The following PLXNA4 variants were observed in gnomAD, a reference collection of about 807,000 sequenced individuals.
The protein encoded by PLXNA4 is plexin A4.
PLXNA4 carries 44 observed loss-of-function variants against 191.8 expected under a neutral mutation model. The ratio of observed to expected loss-of-function variants is 0.23; its 90% confidence interval spans 0.18 to 0.29. The LOEUF (loss-of-function observed/expected upper bound fraction) is 0.29, where lower values mean the gene tolerates loss of function less well. Among genes scored for constraint, PLXNA4 ranks in the 10% least tolerant of loss-of-function variants. The pLI, the probability that PLXNA4 is intolerant of heterozygous loss-of-function variation, is 1.00. For missense variants in PLXNA4, 1,800 were observed against 2,488.8 expected (o/e 0.72, Z 5.89); for synonymous variants, 1,082 against 1,009.5 (o/e 1.07, Z -1.36).
chr7:132,224,530 T>C (rs1005631059), intron 8 of PLXNA4, among the ~76,000 whole-genome samples: 4 of 152,234 alleles, frequency 2.6e-5, no homozygotes, highest in African/African-American at 4.8e-5. Flanking sequence ...ATTGAGTCTT[T>C]GTGTTGCATT....
chr7:132,320,598 C>T (rs955850742), intron 3 of PLXNA4, among the ~76,000 whole-genome samples: 4 of 152,168 alleles, frequency 2.6e-5, no homozygotes, highest in Non-Finnish European at 5.9e-5. Context: ...TTCTTACCTC[C>T]TGCCTGGAGA....
intron 2 of PLXNA4, among the ~76,000 whole-genome samples, chr7:132,624,354 A>C (rs1803329298): frequency 6.6e-6 from 1 of 152,232 alleles, no homozygotes; most frequent in Non-Finnish European, 1.5e-5. Flanking sequence ...GGCCATAAGC[A>C]CATGCCTGGT....
At chr7:132,628,875 G>A (rs1035682703) in intron 2 of PLXNA4, among the ~76,000 whole-genome samples, 9 of 152,038 alleles carry the variant, frequency 5.9e-5, no homozygotes, top group Admixed American at 3.9e-4. Flanking sequence ...TCTACACTAC[G>A]CCTTGCATTC....
chr7:132,249,108 C>T (rs1444953428), intron 4 of PLXNA4, among the ~76,000 whole-genome samples: 3 of 152,230 alleles, frequency 2.0e-5, no homozygotes, highest in Non-Finnish European at 4.4e-5. Flanking sequence ...GGGCATGAGG[C>T]TTGGGGAGCT....
intron 19 of PLXNA4, 150 bp from the exon 20 acceptor site, chr7:132,180,071 C>A: frequency 7.3e-7 from 1 of 1,374,194 alleles, no homozygotes; most frequent in Non-Finnish European, 9.6e-7. Context: ...GCATGGGGGG[C>A]TGGGAGCGGG....
chr7:132,279,737 G>A (rs920288300), intron 4 of PLXNA4, among the ~76,000 whole-genome samples: 15 of 152,192 alleles, frequency 9.9e-5, no homozygotes, highest in Non-Finnish European at 1.8e-4. Flanking sequence ...TACTTCACCT[G>A]CTACTCCACT....
At chr7:132,288,139 C>G (rs1003885752) in intron 4 of PLXNA4, among the ~76,000 whole-genome samples, 1 of 152,312 alleles carries the variant, frequency 6.6e-6, no homozygotes, top group East Asian at 1.9e-4. Flanking sequence ...GCTCCTCCCC[C>G]AAACTGCTGG....
chr7:132,217,031 A>AG (rs1254766572), intron 9 of PLXNA4, among the ~76,000 whole-genome samples: 1 of 152,148 alleles, frequency 6.6e-6, no homozygotes, highest in Admixed American at 6.5e-5. Flanking sequence ...CTAAGAATGC[A>AG]GGGGGGTGAG....
At chr7:132,633,346 G>A (rs1044846659) in intron 2 of PLXNA4, among the ~76,000 whole-genome samples, 3 of 149,470 alleles carry the variant, frequency 2.0e-5, no homozygotes, top group Non-Finnish European at 4.4e-5. Context: ...GCAGTGGTTC[G>A]ATCTTGGCTC....
chr7:132,516,953 C>T (rs156976), intron 1 of PLXNA4, among the ~76,000 whole-genome samples: 60,110 of 151,874 alleles, frequency 0.4, 12,520 homozygotes, highest in African/African-American at 0.53. Flanking sequence ...CAAGACTCTA[C>T]CTCAAACAAA....
At chr7:132,453,369 T>C (rs567866203) in intron 3 of PLXNA4, among the ~76,000 whole-genome samples, 1 of 152,246 alleles carries the variant, frequency 6.6e-6, no homozygotes, top group South Asian at 2.1e-4. Context: ...GCTGCATCAC[T>C]CAGCCCTTGT....
At chr7:132,299,429 C>T (rs541058819) in intron 3 of PLXNA4, among the ~76,000 whole-genome samples, 36 of 152,272 alleles carry the variant, frequency 2.4e-4, no homozygotes, top group Non-Finnish European at 4.1e-4. Flanking sequence ...ACTGACCACA[C>T]CAGGTCCCCC....
At chr7:132,587,063 A>C (rs1000053563) in intron 2 of PLXNA4, among the ~76,000 whole-genome samples, 10 of 152,254 alleles carry the variant, frequency 6.6e-5, no homozygotes, top group Non-Finnish European at 1.2e-4. Flanking sequence ...GTCCCGCTCA[A>C]CTTTGAGATA....
chr7:132,185,787 T>G (rs1796860108), intron 15 of PLXNA4, among the ~76,000 whole-genome samples: 1 of 152,202 alleles, frequency 6.6e-6, no homozygotes, highest in Non-Finnish European at 1.5e-5. Context: ...TGGCCTGCCT[T>G]TGCAAGAATC....
At chr7:132,252,840 C>G (rs865878430) in intron 4 of PLXNA4, among the ~76,000 whole-genome samples, 51 of 150,038 alleles carry the variant, frequency 3.4e-4, no homozygotes, top group African/African-American at 1.1e-3. Context: ...CCACAGGGGG[C>G]TGGCTAAAAA....
Position 132,507,800 on chromosome 7 carries a change from A to G in PLXNA4, c.894T>C (p.Ile298=), listed in dbSNP as rs946068555. The change falls in exon 2 of 32, where the codon ATT becomes ATC. Residue 298 remains isoleucine (I), a synonymous_variant. Coordinates refer to ENST00000321063, the MANE Select transcript of PLXNA4 (RefSeq NM_020911.2). Reference sequence around the variant, plus strand: ...ACTCCACCCCACTGCGCTCACAGCCAATGGGCACCTCTACATAGGAGTTGA... The same window carrying G: ...ACTCCACCCCACTGCGCTCACAGCCGATGGGCACCTCTACATAGGAGTTGA... ...TAFNSYVEVP[I]GCERSGVEYR... 1.2e-6 allele frequency: 2 copies of G among 1,614,174 alleles called. No homozygotes were observed. The highest frequency in any genetic ancestry group is 1.7e-6 in the Non-Finnish European group (2 of 1,180,038).
intron 3 of PLXNA4, among the ~76,000 whole-genome samples, chr7:132,385,608 A>T (rs976670577): frequency 2.6e-5 from 4 of 152,184 alleles, no homozygotes; most frequent in Admixed American, 1.3e-4. Context: ...CAGCAAGGGG[A>T]ATGATCAGGA....
intron 1 of PLXNA4, among the ~76,000 whole-genome samples, chr7:132,562,863 CT>C: frequency 8.6e-6 from 1 of 116,068 alleles, no homozygotes; most frequent in African/African-American, 3.7e-5. Context: ...CCTCCTCCTC[CT>C]TCTCCTCCTC....
At chr7:132,290,008 A>G (rs1800826329) in intron 4 of PLXNA4, among the ~76,000 whole-genome samples, 1 of 152,190 alleles carries the variant, frequency 6.6e-6, no homozygotes, top group South Asian at 2.1e-4. Context: ...TATCCTGGGC[A>G]ATGCCTATGG....
Sources: allele counts gnomAD v4.1 joint callset (sites outside exome capture counted in the v4.1 genomes callset), GRCh38; gene constraint gnomAD v4.1.1; transcripts MANE v1.5; gene names NCBI Gene and HGNC (gene_info 2026-07-23, HGNC 2026-07-21).